The following KCNH7 variants were observed in gnomAD, a reference collection of about 807,000 sequenced individuals.
KCNH7 encodes the protein potassium voltage-gated channel subfamily H member 7.
In KCNH7, 49 loss-of-function variants were observed where a neutral mutation model predicts 120.8. The observed-to-expected ratio is 0.41, with a 90% CI of 0.32 to 0.51. The LOEUF (loss-of-function observed/expected upper bound fraction) is 0.51. Among genes scored for constraint, KCNH7 ranks in the 20% least tolerant of loss-of-function variants. The pLI is 0.38. For synonymous variants in KCNH7, 547 were observed against 516.1 expected, an observed-to-expected ratio of 1.06 and a Z score of -0.81; for missense variants, 1,097 against 1,446.6, an observed-to-expected ratio of 0.76 and a Z score of 3.92.
At chr2:162,753,007 AG>A (rs1688650289) in intron 2 of KCNH7, among the ~76,000 whole-genome samples, 1 of 148,300 alleles carries the variant, frequency 6.7e-6, no homozygotes. Flanking sequence ...AGAAAAGAAA[AG>A]AAAAGAAAAG....
At chr2:162,774,989 A>T (rs1366207825) in intron 2 of KCNH7, among the ~76,000 whole-genome samples, 1 of 152,170 alleles carries the variant, frequency 6.6e-6, no homozygotes, top group East Asian at 1.9e-4. Flanking sequence ...TAATTTGTAT[A>T]AATAAAACAG....
At chr2:162,838,396 T>C (rs1472830280) in intron 1 of KCNH7, 47 bp downstream of exon 1, 1 of 1,517,786 alleles carries the variant, frequency 6.6e-7, no homozygotes, top group Middle Eastern at 1.7e-4. Flanking sequence ...CCAAGTGCAC[T>C]AACAAGGCAG....
At chr2:162,533,322 G>A (rs972802225) in intron 3 of KCNH7, among the ~76,000 whole-genome samples, 6 of 151,700 alleles carry the variant, frequency 4.0e-5, no homozygotes, top group South Asian at 4.2e-4. Flanking sequence ...CATCAGTTGC[G>A]TCAATAAATG....
At chr2:162,630,552 A>G (rs1432846921) in intron 2 of KCNH7, among the ~76,000 whole-genome samples, 2 of 152,108 alleles carry the variant, frequency 1.3e-5, no homozygotes, top group Non-Finnish European at 2.9e-5. Flanking sequence ...CACTGGCTTT[A>G]GCAATTAGGA....
chr2:162,804,727 C>T (rs1381998133), intron 2 of KCNH7, among the ~76,000 whole-genome samples: 1 of 148,058 alleles, frequency 6.8e-6, no homozygotes, highest in Middle Eastern at 3.2e-3. Context: ...CATCATTTTT[C>T]ATAGATTTAG....
intron 2 of KCNH7, among the ~76,000 whole-genome samples, chr2:162,709,717 T>G (rs1352132705): frequency 6.6e-6 from 1 of 152,154 alleles, no homozygotes; most frequent in Non-Finnish European, 1.5e-5. Context: ...TCTTACTGTG[T>G]TCAGAATTCC....
chr2:162,838,520 T>C lies in KCNH7; in HGVS notation c.-2A>G. ...CACATGCCCCCTGCGCACAGGCATG[T>C]TGGCCCCGGTCTTCCGAGGAGCGCT... On this transcript the variant is annotated 5_prime_UTR_variant, in exon 1 of 16. Coordinates refer to ENST00000332142, the MANE Select transcript of KCNH7 (RefSeq NM_033272.4). 6.2e-7 allele frequency: 1 copy of C among 1,611,886 alleles called. No individual in the cohort carries two copies. Among genetic ancestry groups the C allele is most frequent in the Non-Finnish European group, 8.5e-7 (1 of 1,179,394 alleles).
intron 2 of KCNH7, among the ~76,000 whole-genome samples, chr2:162,639,304 ATAGG>A (rs1159908597): frequency 2.6e-5 from 4 of 152,178 alleles, no homozygotes; most frequent in Non-Finnish European, 5.9e-5. Flanking sequence ...GTTGTGTGAG[ATAGG>A]TAGGCACTTT....
At chr2:162,396,430 C>T (rs1382543557) in intron 11 of KCNH7, among the ~76,000 whole-genome samples, 1 of 151,698 alleles carries the variant, frequency 6.6e-6, no homozygotes, top group Admixed American at 6.6e-5. Flanking sequence ...CTAAAATCAC[C>T]CATTTCTAGC....
In KCNH7 at chr2:162,518,099, A is replaced by C; in HGVS notation, c.523T>G (p.Leu175Val). Residue 175 changes from leucine to valine, a missense_variant, in exon 4 of 16, where the codon TTA becomes GTA. Coordinates refer to ENST00000332142, the MANE Select transcript of KCNH7 (RefSeq NM_033272.4). Reference protein sequence around the residue: ...LRVLTYRKQSLPQEDPDVVVI... With the variant: ...LRVLTYRKQSVPQEDPDVVVI... ...ACCACATCGGGGTCTTCTTGTGGTAAGGACTGCTTTCTGTAAGTGAGAACT... is the reference window on the plus strand; with the variant it reads ...ACCACATCGGGGTCTTCTTGTGGTACGGACTGCTTTCTGTAAGTGAGAACT... 1 of 1,612,276 alleles carries C rather than the reference A, an allele frequency of 6.2e-7. No homozygotes were observed. The highest frequency in any genetic ancestry group is 1.3e-5 in the African/African-American group (1 of 74,886).
At chr2:162,428,621 G>A (rs944445140) in intron 8 of KCNH7, among the ~76,000 whole-genome samples, 3 of 151,810 alleles carry the variant, frequency 2.0e-5, no homozygotes, top group African/African-American at 7.2e-5. Context: ...AGAGAGGAGT[G>A]TTAACATTGC....
intron 2 of KCNH7, among the ~76,000 whole-genome samples, chr2:162,754,437 G>A (rs951331786): frequency 3.2e-4 from 48 of 152,120 alleles, no homozygotes; most frequent in African/African-American, 1.1e-3. Flanking sequence ...ATTAATGAAT[G>A]AGCCAGCAAA....
intron 2 of KCNH7, among the ~76,000 whole-genome samples, chr2:162,631,926 C>A (rs1386844165): frequency 2.0e-5 from 3 of 151,736 alleles, no homozygotes; most frequent in African/African-American, 7.3e-5. Context: ...AAACCCACGC[C>A]GAAAAGAATC....
At chr2:162,577,362 T>TATCC (rs1376826532) in intron 2 of KCNH7, among the ~76,000 whole-genome samples, 1 of 141,058 alleles carries the variant, frequency 7.1e-6, no homozygotes, top group Non-Finnish European at 1.6e-5. Context: ...TCTATCTATC[T>TATCC]ATCTATCTAT....
At chr2:162,762,592 A>G (rs1414882881) in intron 2 of KCNH7, among the ~76,000 whole-genome samples, 1 of 152,044 alleles carries the variant, frequency 6.6e-6, no homozygotes, top group Non-Finnish European at 1.5e-5. Context: ...CACTTCACTC[A>G]TTTAGAACTC....
chr2:162,794,681 C>T (rs758389319), intron 2 of KCNH7, among the ~76,000 whole-genome samples: 1 of 151,988 alleles, frequency 6.6e-6, no homozygotes, highest in Non-Finnish European at 1.5e-5. Flanking sequence ...ACAAGTTTTA[C>T]TTGATTGAAT....
intron 2 of KCNH7, among the ~76,000 whole-genome samples, chr2:162,570,325 C>T (rs1457765870): frequency 6.6e-6 from 1 of 151,668 alleles, no homozygotes; most frequent in East Asian, 1.9e-4. Flanking sequence ...GGTTTAAAGT[C>T]TGTTTTATCA....
At chr2:162,416,038 G>C (rs1687533383) in intron 9 of KCNH7, among the ~76,000 whole-genome samples, 1 of 152,058 alleles carries the variant, frequency 6.6e-6, no homozygotes, top group Non-Finnish European at 1.5e-5. Flanking sequence ...TAGTCAAAGG[G>C]AATTGCTTTA....
At chr2:162,456,796 G>A (rs533432648) in intron 6 of KCNH7, among the ~76,000 whole-genome samples, 4 of 151,898 alleles carry the variant, frequency 2.6e-5, no homozygotes, top group Non-Finnish European at 5.9e-5. Context: ...TTGGTTTAAA[G>A]TTTGTTTTAT....
Sources: gnomAD v4.1 joint callset for allele counts (sites outside exome capture counted in the v4.1 genomes callset) on GRCh38, gnomAD v4.1.1 for gene constraint, MANE v1.5 for transcripts, NCBI Gene and HGNC (gene_info 2026-07-23, HGNC 2026-07-21) for gene names.